STK32B: variants seen among roughly 807,000 people sequenced by gnomAD.
STK32B encodes the protein serine/threonine kinase 32B.
A neutral mutation model predicts 52.6 loss-of-function variants in STK32B; 43 were observed. That is an observed-to-expected ratio of 0.82 (90% CI 0.64 to 1.05). The LOEUF (loss-of-function observed/expected upper bound fraction) is 1.05. STK32B is among the 50% of genes least tolerant of loss of function. STK32B has a pLI of 0.00. For missense variants in STK32B, 621 were observed against 534.6 expected, an observed-to-expected ratio of 1.16 and a Z score of -1.59; for synonymous variants, 238 against 204.3, an observed-to-expected ratio of 1.17 and a Z score of -1.41.
chr4:5,398,724 A>G lies in STK32B; in HGVS notation c.472+480A>G, dbSNP rs1427160920. Reference sequence around the variant, plus strand: ...TAATCCACTAAGCATTTACTCATCTATCGGCTATGTCAGGCTTCTCAAAAT... The same window carrying G: ...TAATCCACTAAGCATTTACTCATCTGTCGGCTATGTCAGGCTTCTCAAAAT... On this transcript the variant is annotated intron_variant, in intron 5 of 11. Coordinates refer to ENST00000282908, the MANE Select transcript of STK32B (RefSeq NM_018401.3). The surrounding 1 kb of genome is among the most constrained non-coding windows in gnomAD (Gnocchi z 4.9). Among the ~76,000 whole-genome samples the G allele has an allele frequency of 2.6e-5, 4 of 152,204 alleles. No individual in the cohort carries two copies. Among genetic ancestry groups the G allele is most frequent in the African/African-American group, 9.7e-5 (4 of 41,438 alleles).
At chr4:5,232,955 A>G (rs942710682) in intron 3 of STK32B, among the ~76,000 whole-genome samples, 4 of 152,168 alleles carry the variant, frequency 2.6e-5, no homozygotes, top group Non-Finnish European at 5.9e-5. Context: ...AGCTTTCTCC[A>G]CACAGCTCCC....
chr4:5,485,585 C>G (rs913283263), intron 11 of STK32B, among the ~76,000 whole-genome samples: 2 of 152,202 alleles, frequency 1.3e-5, no homozygotes, highest in Admixed American at 1.3e-4. Context: ...CTTCTCTCAA[C>G]TTGTCAAAGT....
Position 5,314,093 on chromosome 4 carries a change from A to G in STK32B, c.261-17127A>G, listed in dbSNP as rs368946435. Reference sequence around the variant, plus strand: ...TATTTTAAAATTAATGTGAAATGTCACAGGGTCTATAATAGCTAAGCAATT... The same window carrying G: ...TATTTTAAAATTAATGTGAAATGTCGCAGGGTCTATAATAGCTAAGCAATT... On this transcript the variant is annotated intron_variant, in intron 3 of 11. Coordinates refer to ENST00000282908, the MANE Select transcript of STK32B (RefSeq NM_018401.3). Among the ~76,000 whole-genome samples the G allele has an allele frequency of 4.7e-5, 7 of 150,446 alleles. No homozygotes were observed. The South Asian group carries it at 1.5e-3, about 31-fold the overall frequency.
intron 4 of STK32B, among the ~76,000 whole-genome samples, chr4:5,381,976 C>A (rs1265893069): frequency 1.3e-5 from 2 of 152,192 alleles, no homozygotes; most frequent in Non-Finnish European, 2.9e-5. Context: ...GGCCAGCCAG[C>A]AGGAGACTCA....
intron 6 of STK32B, among the ~76,000 whole-genome samples, chr4:5,430,183 T>C (rs148956850): frequency 6.6e-6 from 1 of 152,300 alleles, no homozygotes; most frequent in African/African-American, 2.4e-5. Flanking sequence ...TTTTGACCCA[T>C]TCTCTCTCTA....
chr4:5,267,767 A>G (rs972965800), intron 3 of STK32B, among the ~76,000 whole-genome samples: 2 of 152,198 alleles, frequency 1.3e-5, no homozygotes, highest in African/African-American at 2.4e-5. Context: ...CCCATTTATT[A>G]TTGTAAATGG....
chr4:5,174,800 G>T (rs1226943250), intron 3 of STK32B, among the ~76,000 whole-genome samples: 1 of 152,132 alleles, frequency 6.6e-6, no homozygotes, highest in Non-Finnish European at 1.5e-5. Context: ...TCTTCTCGAG[G>T]AGTATCTTTT....
At chr4:5,187,908 G>A (rs966961168) in intron 3 of STK32B, among the ~76,000 whole-genome samples, 29 of 152,248 alleles carry the variant, frequency 1.9e-4, no homozygotes, top group African/African-American at 7.0e-4. Context: ...CTGAGGGAGA[G>A]GAAGGAAGCG....
chr4:5,471,489 G>C (rs1451245659), intron 11 of STK32B, among the ~76,000 whole-genome samples: 4 of 152,232 alleles, frequency 2.6e-5, no homozygotes, highest in African/African-American at 9.6e-5. Flanking sequence ...AGAGCCCTCA[G>C]AAGGAGCCAA....
At chr4:5,204,189 G>C (rs1010069529) in intron 3 of STK32B, 9 of 152,114 alleles carry the variant, frequency 5.9e-5, no homozygotes, top group African/African-American at 1.9e-4. Flanking sequence ...GCAGAATCGT[G>C]GGTAGAATTG....
At chr4:5,048,997 A>C (rs567621757), upstream of STK32B, among the ~76,000 whole-genome samples, 59 of 152,284 alleles carry the variant, frequency 3.9e-4, no homozygotes, top group Non-Finnish European at 6.9e-4. Context: ...AGTTCTCAAT[A>C]CACATGCACG....
chr4:5,073,458 A>G (rs1361937592), intron 1 of STK32B, among the ~76,000 whole-genome samples: 2 of 151,964 alleles, frequency 1.3e-5, no homozygotes, highest in East Asian at 1.9e-4. Context: ...CTTTATTTCT[A>G]CATGTAATAT....
intron 4 of STK32B, among the ~76,000 whole-genome samples, chr4:5,364,861 G>GA (rs898043939): frequency 4.6e-5 from 7 of 151,218 alleles, no homozygotes; most frequent in Admixed American, 1.3e-4. Flanking sequence ...ACCCTGCCTG[G>GA]AAAAAAATGT....
chr4:5,491,739 T>G (rs193238852), intron 11 of STK32B, among the ~76,000 whole-genome samples: 6,079 of 151,942 alleles, frequency 0.04, 204 homozygotes, highest in African/African-American at 0.085. Flanking sequence ...TTAATCCACC[T>G]TGAATTAATT....
intron 3 of STK32B, among the ~76,000 whole-genome samples, chr4:5,210,821 A>T (rs1242251056): frequency 2.0e-5 from 3 of 151,362 alleles, no homozygotes; most frequent in Non-Finnish European, 4.4e-5. Flanking sequence ...TTTGAGACAA[A>T]GTCTCCCTCT....
At chr4:5,297,652 T>A (rs958522638) in intron 3 of STK32B, among the ~76,000 whole-genome samples, 5 of 146,578 alleles carry the variant, frequency 3.4e-5, no homozygotes, top group East Asian at 2.0e-4. Flanking sequence ...TTTTTTTTTT[T>A]AACTGGTTAT....
intron 6 of STK32B, among the ~76,000 whole-genome samples, chr4:5,440,916 T>G (rs2109108981): frequency 6.6e-6 from 1 of 151,374 alleles, no homozygotes; most frequent in South Asian, 2.1e-4. Context: ...TTTATTGATT[T>G]GTGTATATTG....
At position 5,500,273 on chromosome 4, in the gene STK32B, A is replaced by G. The variant is rs1014059941; in HGVS notation, c.*1190A>G. ...AATCGCTCTGAATGGCAGTTTCCTC[A>G]TTTTTAAACAGGGATAATAAAACTA... is the stretch of plus-strand genomic sequence containing the variant. On this transcript the variant is annotated 3_prime_UTR_variant, in exon 12 of 12. Coordinates refer to ENST00000282908, the MANE Select transcript of STK32B (RefSeq NM_018401.3). The G allele has an allele frequency of 6.6e-5, 10 of 152,310 alleles. No homozygotes were observed. The highest frequency in any genetic ancestry group is 2.2e-4 in the African/African-American group (9 of 41,578). 9.4% of individuals were successfully genotyped at this position (152,310 alleles called of 1,614,324 possible). A position where few individuals can be genotyped will look rare whatever the true frequency, so the allele number is the denominator to read the frequency against.
intron 11 of STK32B, among the ~76,000 whole-genome samples, chr4:5,489,619 T>G (rs566187523): frequency 6.6e-6 from 1 of 151,966 alleles, no homozygotes; most frequent in Non-Finnish European, 1.5e-5. Context: ...TTTATTTTAT[T>G]TATTTTTTAT....
Sources: gnomAD v4.1 joint callset for allele counts (sites outside exome capture counted in the v4.1 genomes callset) on GRCh38, gnomAD v4.1.1 for gene constraint, Gnocchi (gnomAD v3.1) non-coding constraint, MANE v1.5 for transcripts, NCBI Gene and HGNC (gene_info 2026-07-23, HGNC 2026-07-21) for gene names.